Variants in KATNAL1 observed in about 807,000 individuals in gnomAD.
KATNAL1 encodes katanin p60 ATPase-containing subunit A-like 1.
KATNAL1 carries 32 observed loss-of-function variants against 55.2 expected under a neutral mutation model. The observed-to-expected ratio is 0.58, with a 90% CI of 0.44 to 0.78. The LOEUF (loss-of-function observed/expected upper bound fraction) is 0.78. Ranked by LOEUF, KATNAL1 falls within the 30% of genes least tolerant of loss-of-function variation. The pLI is 0.00. For missense variants in KATNAL1, 466 were observed against 600.9 expected (o/e 0.78, Z 2.35); for synonymous variants, 193 against 193.6 (o/e 1.00, Z 0.02).
chr13:30,272,001 C>T (rs1566120558), intron 3 of KATNAL1, among the ~76,000 whole-genome samples: 2 of 151,730 alleles, frequency 1.3e-5, no homozygotes, highest in Non-Finnish European at 2.9e-5. Context: ...CAATGTAAGT[C>T]CAGAGAAGAG....
At chr13:30,302,827 A>T (rs1882946178) in intron 1 of KATNAL1, among the ~76,000 whole-genome samples, 1 of 152,240 alleles carries the variant, frequency 6.6e-6, no homozygotes, top group African/African-American at 2.4e-5. Flanking sequence ...ACATAAAGAC[A>T]CACAATAATG....
intron 1 of KATNAL1, among the ~76,000 whole-genome samples, chr13:30,297,040 C>T (rs34651551): frequency 0.22 from 32,536 of 150,986 alleles, 3,702 homozygotes; most frequent in East Asian, 0.31. Context: ...GAGGCTGGGG[C>T]GGGATGATCG....
At chr13:30,282,663 G>C (rs796800085) in intron 2 of KATNAL1, among the ~76,000 whole-genome samples, 33 of 149,670 alleles carry the variant, frequency 2.2e-4, no homozygotes, top group African/African-American at 7.3e-4. Context: ...AAGAAAGAAA[G>C]AAAGAAAGAG....
chr13:30,303,716 T>A (rs372215716), intron 1 of KATNAL1, among the ~76,000 whole-genome samples: 1 of 152,256 alleles, frequency 6.6e-6, no homozygotes, highest in South Asian at 2.1e-4. Flanking sequence ...TGAGCTCTCA[T>A]ATTATCTAGT....
chr13:30,255,387 T>A, intron 4 of KATNAL1, 60 bp downstream of exon 4: 1 of 1,327,114 alleles, frequency 7.5e-7, no homozygotes, highest in Middle Eastern at 2.0e-4. Context: ...ACAAAAATCA[T>A]AACATCCACC....
At position 30,268,085 on chromosome 13, in the gene KATNAL1, G is replaced by GC. The variant is rs949113273; in HGVS notation, c.323+11977dup. On this transcript the variant is annotated intron_variant, in intron 3 of 10. Transcript: ENST00000380615. The stretch of plus-strand genomic sequence containing the variant: ...TGCCCCCTAGATATAGTAGCAAAGG[G>GC]CCCATCCTCATGTGATTTATGACTC... 1.8e-4 allele frequency among the ~76,000 whole-genome samples: 28 copies of GC among 152,278 alleles called. 2 individuals carry two copies. The highest frequency in any genetic ancestry group is 1.3e-3 in the East Asian group (7 of 5,194).
chr13:30,242,192 A>G (rs769625773), intron 4 of KATNAL1, among the ~76,000 whole-genome samples: 4 of 152,322 alleles, frequency 2.6e-5, no homozygotes, highest in Non-Finnish European at 5.9e-5. Flanking sequence ...CAACGAAAGA[A>G]TACAACAGAA....
intron 2 of KATNAL1, among the ~76,000 whole-genome samples, chr13:30,283,293 G>GAAAAAAAAAAAAAAAAAAAAAAA (rs1593945549): frequency 3.6e-5 from 2 of 55,894 alleles, no homozygotes; most frequent in Admixed American, 1.8e-4. Context: ...AAAAAAAAAG[G>GAAAAAAAAAAAAAAAAAAAAAAA]AATGAATGAA....
intron 8 of KATNAL1, among the ~76,000 whole-genome samples, chr13:30,229,912 G>A (rs923461430): frequency 8.2e-5 from 12 of 145,864 alleles, no homozygotes; most frequent in Non-Finnish European, 1.6e-4. Flanking sequence ...TTTATGAAAA[G>A]TATGTTTTCC....
At chr13:30,296,300 C>A in intron 1 of KATNAL1, 1 of 1,220,656 alleles carries the variant, frequency 8.2e-7, no homozygotes, top group Non-Finnish European at 1.2e-6. Context: ...TTTTGTGTGC[C>A]CCACGGAGAT....
rs538240684 is a variant in KATNAL1, at chr13:30,222,849, T to A, written c.1147+4563A>T. On this transcript the variant is annotated intron_variant, in intron 9 of 10. Coordinates refer to ENST00000380615, the MANE Select transcript of KATNAL1 (RefSeq NM_032116.5). ...GGCTCATGCCCGTAATCTCAGCACT[T>A]TGGGAGGCCAAGGTGGGTGAATCAC... Among the ~76,000 whole-genome samples the A allele has an allele frequency of 4.6e-5, 7 of 152,228 alleles. No homozygotes were observed. The East Asian group carries it at 1.2e-3, about 25-fold the overall frequency.
At chr13:30,306,238 A>C (rs1883167900) in intron 1 of KATNAL1, among the ~76,000 whole-genome samples, 1 of 152,238 alleles carries the variant, frequency 6.6e-6, no homozygotes, top group Non-Finnish European at 1.5e-5. Context: ...CTAAGGACTC[A>C]AGTGTACTCC....
In KATNAL1 at chr13:30,299,191, G is replaced by C. The variant is rs557540598; in HGVS notation, c.-15+8140C>G. Among the ~76,000 whole-genome samples the C allele has an allele frequency of 9.9e-5, 15 of 152,162 alleles. No homozygotes were observed. In the East Asian group the frequency reaches 2.7e-3, roughly 27 times the overall value. Reference sequence around the variant, plus strand: ...TACCAAACCATTCAAGTTTATGTTTGATAAAGGCCACATAAAAATTTCAGA... The same window carrying C: ...TACCAAACCATTCAAGTTTATGTTTCATAAAGGCCACATAAAAATTTCAGA... On this transcript the variant is annotated intron_variant, in intron 1 of 10. Transcript: ENST00000380615.
chr13:30,235,856 A>T (rs925068602), intron 6 of KATNAL1, among the ~76,000 whole-genome samples: 9 of 152,172 alleles, frequency 5.9e-5, no homozygotes, highest in Non-Finnish European at 1.5e-5. Flanking sequence ...CCCAAAAAAA[A>T]AAAATCATTG....
intron 6 of KATNAL1, among the ~76,000 whole-genome samples, chr13:30,235,656 G>C (rs1484673712): frequency 6.6e-6 from 1 of 152,232 alleles, no homozygotes; most frequent in Non-Finnish European, 1.5e-5. Context: ...CAGGAAGAGA[G>C]GGCGAAAGAA....
intron 1 of KATNAL1, among the ~76,000 whole-genome samples, chr13:30,305,251 G>T (rs10492465): frequency 0.072 from 10,927 of 152,130 alleles, 1,299 homozygotes; most frequent in African/African-American, 0.25. Flanking sequence ...CCCACTAATT[G>T]CAAGTATTCT....
intron 1 of KATNAL1, among the ~76,000 whole-genome samples, chr13:30,297,313 C>T (rs73163498): frequency 0.029 from 4,459 of 152,236 alleles, 109 homozygotes; most frequent in Non-Finnish European, 0.045. Flanking sequence ...TAAGATCCCC[C>T]CACCAATAAA....
chr13:30,262,952 T>C (rs893926749), intron 3 of KATNAL1, among the ~76,000 whole-genome samples: 45 of 152,198 alleles, frequency 3.0e-4, no homozygotes, highest in African/African-American at 2.7e-4. Context: ...TTGATGAACA[T>C]TGATGCAAAA....
chr13:30,224,087 A>T (rs994225555), intron 9 of KATNAL1, among the ~76,000 whole-genome samples: 5 of 152,222 alleles, frequency 3.3e-5, no homozygotes, highest in Non-Finnish European at 7.3e-5. Flanking sequence ...AAACCAATTT[A>T]AATGCTAAAT....
Sources: gnomAD v4.1 joint callset for allele counts (sites outside exome capture counted in the v4.1 genomes callset) on GRCh38, gnomAD v4.1.1 for gene constraint, MANE v1.5 for transcripts, NCBI Gene and HGNC (gene_info 2026-07-23, HGNC 2026-07-21) for gene names.